LOXL1: variants seen among roughly 807,000 people sequenced by gnomAD.
The protein encoded by LOXL1 is lysyl oxidase like 1.
In LOXL1, 31 loss-of-function variants were observed where a neutral mutation model predicts 62.2. The observed-to-expected ratio is 0.50, with a 90% CI of 0.37 to 0.67. The LOEUF (loss-of-function observed/expected upper bound fraction) is 0.67. Ranked by LOEUF, LOXL1 falls within the 30% of genes least tolerant of loss-of-function variation. The probability of loss-of-function intolerance (pLI) is 0.00; values close to 1 mark genes in which losing one functional copy is unlikely to be tolerated. For missense variants in LOXL1, 775 were observed against 843.4 expected (o/e 0.92, Z 1.00); for synonymous variants, 403 against 384.4 (o/e 1.05, Z -0.56).
At chr15:73,938,319 G>GATAGA (rs1166922192) in intron 1 of LOXL1, among the ~76,000 whole-genome samples, 4 of 91,014 alleles carry the variant, frequency 4.4e-5, no homozygotes, top group Non-Finnish European at 7.1e-5. Context: ...ATCTATCTAG[G>GATAGA]TAGATAGATA....
At chr15:73,940,343 C>A (rs1480096787) in intron 1 of LOXL1, among the ~76,000 whole-genome samples, 1 of 152,122 alleles carries the variant, frequency 6.6e-6, no homozygotes, top group African/African-American at 2.4e-5. Context: ...AGTCTCTCTT[C>A]CAATTCTCCA....
intron 6 of LOXL1, among the ~76,000 whole-genome samples, chr15:73,951,372 G>A (rs113137562): frequency 1.7e-4 from 26 of 152,264 alleles, no homozygotes; most frequent in African/African-American, 6.0e-4. Flanking sequence ...TTATTAGAGT[G>A]TCTCAGTCTC....
intron 6 of LOXL1, among the ~76,000 whole-genome samples, chr15:73,949,820 A>C (rs1040435768): frequency 6.6e-6 from 1 of 152,174 alleles, no homozygotes; most frequent in Non-Finnish European, 1.5e-5. Flanking sequence ...GTCCCAAGTG[A>C]AAACCAGCAG....
chr15:73,939,000 T>C (rs1469909237), intron 1 of LOXL1, among the ~76,000 whole-genome samples: 4 of 152,058 alleles, frequency 2.6e-5, no homozygotes. Flanking sequence ...AGTCTGATAA[T>C]AACTGGACTT....
rs1328513443 is a variant in LOXL1, at chr15:73,930,464, C to T, written c.1102+2579C>T. Among the ~76,000 whole-genome samples the T allele has an allele frequency of 6.6e-6, 1 of 152,142 alleles. No homozygotes were observed. The highest frequency in any genetic ancestry group is 1.5e-5 in the Non-Finnish European group (1 of 67,994). ...CATTGGTTCCTCCCTCCCCACCCTG[C>T]TAGGCCAGACCGTGGAAAATCCCAG... On this transcript the variant is annotated intron_variant, in intron 1 of 6. Transcript: ENST00000261921. This position sits in a 1 kb window ranked among gnomAD's most constrained non-coding sequence, Gnocchi z 4.7.
chr15:73,941,348 G>C (rs943714329), intron 1 of LOXL1, among the ~76,000 whole-genome samples: 5 of 152,178 alleles, frequency 3.3e-5, no homozygotes, highest in Non-Finnish European at 5.9e-5. Context: ...ATGAGGCCCA[G>C]GCCCCAGGGA....
Position 73,946,401 on chromosome 15 carries a change from C to G in LOXL1, c.1212-16C>G. On this transcript the variant is annotated splice_polypyrimidine_tract_variant and intron_variant, in intron 2 of 6. Transcript: ENST00000261921. The stretch of plus-strand genomic sequence containing the variant: ...TGTGCCCCAACCCCCCCTCATCTCC[C>G]CCGCCGTCCCTGCAGCACAGCCTAT... The G allele has an allele frequency of 1.2e-6, 2 of 1,601,862 alleles. No homozygotes were observed. The highest frequency in any genetic ancestry group is 1.7e-6 in the Non-Finnish European group (2 of 1,171,824).
At chr15:73,951,265 C>T (rs763817392) in intron 6 of LOXL1, among the ~76,000 whole-genome samples, 1 of 152,228 alleles carries the variant, frequency 6.6e-6, no homozygotes, top group South Asian at 2.1e-4. Flanking sequence ...GCAGCCTGCG[C>T]GGCCCTCCCA....
intron 5 of LOXL1, among the ~76,000 whole-genome samples, chr15:73,948,710 C>T (rs2068764122): frequency 6.6e-6 from 1 of 152,214 alleles, no homozygotes; most frequent in Admixed American, 6.5e-5. Flanking sequence ...AAGCTTGCTC[C>T]TCCAGGGCCT....
intron 6 of LOXL1, among the ~76,000 whole-genome samples, chr15:73,950,258 C>T (rs905364116): frequency 2.7e-5 from 4 of 150,062 alleles, no homozygotes. Flanking sequence ...CAAGGAAACC[C>T]CACCACACTC....
intron 6 of LOXL1, among the ~76,000 whole-genome samples, chr15:73,950,404 A>C (rs2068776055): frequency 6.6e-6 from 1 of 152,176 alleles, no homozygotes; most frequent in Admixed American, 6.5e-5. Flanking sequence ...AAAAGTGTGT[A>C]CTTATTAATG....
chr15:73,935,637 A>G (rs2068665582), intron 1 of LOXL1, among the ~76,000 whole-genome samples: 1 of 152,156 alleles, frequency 6.6e-6, no homozygotes, highest in African/African-American at 2.4e-5. Context: ...GGAAATGTGC[A>G]TTAGGTGTGC....
Position 73,927,585 on chromosome 15 carries a change from G to T in LOXL1, c.802G>T (p.Asp268Tyr). ...PYVPPPPPPP[D>Y]GLDRRYSHSL... ...CGTGCCGCCGCCGCCGCCGCCCCCC[G>T]ACGGCCTGGACCGCCGCTACTCGCA... Residue 268 changes from aspartate to tyrosine, a missense_variant, in exon 1 of 7, where the codon GAC becomes TAC. Asp to Tyr is a radical substitution (Grantham distance 160). Coordinates refer to ENST00000261921, the MANE Select transcript of LOXL1 (RefSeq NM_005576.4). 6 of 1,501,880 alleles carry T rather than the reference G, an allele frequency of 4.0e-6. No homozygotes were observed. The highest frequency in any genetic ancestry group is 5.3e-6 in the Non-Finnish European group (6 of 1,132,242). The allele number at this position is 1,501,880 out of a possible 1,614,324, so 93.0% of individuals were successfully genotyped here.
At chr15:73,947,576 C>A in intron 4 of LOXL1, 1 of 517,090 alleles carries the variant, frequency 1.9e-6, no homozygotes, top group South Asian at 3.0e-5. Flanking sequence ...CTCTTTTTAT[C>A]CATTCTGCCA....
At chr15:73,946,677 G>A (rs1331046637) in intron 3 of LOXL1, 123 bp downstream of exon 3, 11 of 1,201,784 alleles carry the variant, frequency 9.2e-6, no homozygotes, top group African/African-American at 3.0e-5. Flanking sequence ...TAGAGGGCCC[G>A]GGGAGGTGTT....
chr15:73,935,065 C>A (rs2068661457), intron 1 of LOXL1, among the ~76,000 whole-genome samples: 1 of 152,150 alleles, frequency 6.6e-6, no homozygotes, highest in African/African-American at 2.4e-5. Context: ...GTAATGGGGT[C>A]CGGGCCATGG....
chr15:73,934,393 C>T (rs1013407537), intron 1 of LOXL1, among the ~76,000 whole-genome samples: 7 of 152,168 alleles, frequency 4.6e-5, no homozygotes, highest in African/African-American at 1.7e-4. Context: ...GACGTCTCAG[C>T]CTGGCAGTGA....
In LOXL1 at chr15:73,940,112, G is replaced by A. The variant is rs375404680; in HGVS notation, c.1103-2742G>A. Reference sequence around the variant, plus strand: ...ATCTGGAGCGGAGGAGACACACACAGGTTAGTATGGTGAAATCTAAGTGTA... The same window carrying A: ...ATCTGGAGCGGAGGAGACACACACAAGTTAGTATGGTGAAATCTAAGTGTA... On this transcript the variant is annotated intron_variant, in intron 1 of 6. Transcript: ENST00000261921. Among the ~76,000 whole-genome samples, 152 of 152,294 alleles carry A rather than the reference G, an allele frequency of 1.0e-3. 1 individual carries two copies. Among genetic ancestry groups the A allele is most frequent in the African/African-American group, 3.6e-3 (149 of 41,550 alleles).
intron 1 of LOXL1, among the ~76,000 whole-genome samples, chr15:73,937,498 G>C (rs976351801): frequency 2.0e-5 from 3 of 152,214 alleles, no homozygotes; most frequent in African/African-American, 7.2e-5. Context: ...CCATCTCAAG[G>C]GTCTTCGCTG....
Sources: gnomAD v4.1 joint callset for allele counts (sites outside exome capture counted in the v4.1 genomes callset) on GRCh38, gnomAD v4.1.1 for gene constraint, Gnocchi (gnomAD v3.1) non-coding constraint, MANE v1.5 for transcripts, NCBI Gene and HGNC (gene_info 2026-07-23, HGNC 2026-07-21) for gene names.